PTPRM: variants seen among roughly 807,000 people sequenced by gnomAD.
PTPRM encodes the protein receptor-type tyrosine-protein phosphatase mu.
In PTPRM, 47 loss-of-function variants were observed where a neutral mutation model predicts 186.7. That is an observed-to-expected ratio of 0.25 (90% CI 0.20 to 0.32). The LOEUF (loss-of-function observed/expected upper bound fraction) is 0.32. Among genes scored for constraint, PTPRM ranks in the 10% least tolerant of loss-of-function variants. The pLI is 1.00. For synonymous variants in PTPRM, 668 were observed against 674.9 expected, an observed-to-expected ratio of 0.99 and a Z score of 0.16; for missense variants, 1,494 against 1,865.0, an observed-to-expected ratio of 0.80 and a Z score of 3.66.
chr18:8,029,756 C>A (rs932033326), intron 7 of PTPRM, among the ~76,000 whole-genome samples: 1 of 152,180 alleles, frequency 6.6e-6, no homozygotes, highest in African/African-American at 2.4e-5. Flanking sequence ...TCTCCTGCAT[C>A]AGTATAGTGC....
At chr18:8,080,403 A>C (rs2090063675) in intron 9 of PTPRM, among the ~76,000 whole-genome samples, 1 of 152,248 alleles carries the variant, frequency 6.6e-6, no homozygotes, top group Non-Finnish European at 1.5e-5. Context: ...GGAAAAAGAC[A>C]AAAGTAGAAA....
chr18:8,064,090 A>G (rs920857771), intron 7 of PTPRM, among the ~76,000 whole-genome samples: 1 of 152,218 alleles, frequency 6.6e-6, no homozygotes, highest in Non-Finnish European at 1.5e-5. Flanking sequence ...ACATGTAAAT[A>G]AGAATTCCAG....
chr18:8,132,463 A>G (rs561156603), intron 13 of PTPRM, among the ~76,000 whole-genome samples: 1 of 152,202 alleles, frequency 6.6e-6, no homozygotes, highest in African/African-American at 2.4e-5. Flanking sequence ...CCATGGTAGG[A>G]TCATAGGACT....
At chr18:7,738,961 T>G (rs1344592853) in intron 1 of PTPRM, among the ~76,000 whole-genome samples, 2 of 151,424 alleles carry the variant, frequency 1.3e-5, no homozygotes, top group African/African-American at 4.8e-5. Context: ...GTGACCATGA[T>G]TTTTTTTTGG....
intron 13 of PTPRM, among the ~76,000 whole-genome samples, chr18:8,133,707 G>A (rs954509553): frequency 2.6e-5 from 4 of 152,160 alleles, no homozygotes; most frequent in Admixed American, 1.3e-4. Flanking sequence ...TTTCCGTTTG[G>A]TGTATTTCAG....
intron 7 of PTPRM, among the ~76,000 whole-genome samples, chr18:7,966,712 C>G (rs1319022443): frequency 6.8e-6 from 1 of 146,260 alleles, no homozygotes; most frequent in Non-Finnish European, 1.5e-5. Flanking sequence ...CCTGGAAAAT[C>G]GGGTCACTCC....
intron 1 of PTPRM, among the ~76,000 whole-genome samples, chr18:7,677,859 C>T (rs1324185637): frequency 6.6e-6 from 1 of 152,102 alleles, no homozygotes; most frequent in East Asian, 1.9e-4. Context: ...CCCTACCCTG[C>T]CCTGGTTTGC....
intron 14 of PTPRM, among the ~76,000 whole-genome samples, chr18:8,163,592 C>G (rs1006449977): frequency 1.3e-5 from 2 of 152,156 alleles, no homozygotes; most frequent in African/African-American, 2.4e-5. Flanking sequence ...ACCTTTTTCA[C>G]TTTTATGATC....
In PTPRM at chr18:8,228,339, T is replaced by G. The variant is rs184407855; in HGVS notation, c.2301-15719T>G. 1.7e-3 allele frequency among the ~76,000 whole-genome samples: 256 copies of G among 152,248 alleles called. 1 individual carries two copies. The highest frequency in any genetic ancestry group is 1.5e-3 in the Non-Finnish European group (105 of 68,006). ...AAGTTTTTCCTTGGTGGGAACGATA[T>G]CTAAGGGACTTAGGGAAGGTGCCCC... On this transcript the variant is annotated intron_variant, in intron 14 of 32. Transcript: ENST00000580170.
chr18:8,255,380 A>G (rs1007556747), intron 19 of PTPRM, among the ~76,000 whole-genome samples: 1 of 152,238 alleles, frequency 6.6e-6, no homozygotes. Context: ...GACAATGCAT[A>G]TTTGAAAGAT....
chr18:8,259,294 T>G (rs2094604214), intron 19 of PTPRM, among the ~76,000 whole-genome samples: 1 of 152,152 alleles, frequency 6.6e-6, no homozygotes, highest in African/African-American at 2.4e-5. Context: ...GCACAAACAC[T>G]GTTAATTAAT....
At chr18:8,138,903 C>T (rs2146049083) in intron 13 of PTPRM, among the ~76,000 whole-genome samples, 1 of 152,252 alleles carries the variant, frequency 6.6e-6, no homozygotes, top group East Asian at 1.9e-4. Flanking sequence ...CGTGCGGATG[C>T]TCCCTGTGTC....
intron 1 of PTPRM, among the ~76,000 whole-genome samples, chr18:7,673,883 C>T (rs2039274607): frequency 6.6e-6 from 1 of 152,126 alleles, no homozygotes; most frequent in South Asian, 2.1e-4. Flanking sequence ...CCTTTGGTAG[C>T]CTGGTGAAAG....
intron 1 of PTPRM, among the ~76,000 whole-genome samples, chr18:7,582,857 T>G (rs2036881936): frequency 6.6e-6 from 1 of 152,338 alleles, no homozygotes; most frequent in Non-Finnish European, 1.5e-5. Context: ...TGAATTTTTT[T>G]CAATCCCTGT....
intron 1 of PTPRM, among the ~76,000 whole-genome samples, chr18:7,723,954 G>A (rs2040498197): frequency 6.6e-6 from 1 of 152,244 alleles, no homozygotes; most frequent in East Asian, 1.9e-4. Flanking sequence ...TGAAATTAGT[G>A]TTCTGTGCCT....
intron 14 of PTPRM, among the ~76,000 whole-genome samples, chr18:8,164,057 A>G (rs1000901618): frequency 6.6e-5 from 10 of 152,236 alleles, no homozygotes; most frequent in Admixed American, 6.5e-4. Context: ...AATAGCCATT[A>G]TGAAAGATCC....
chr18:8,244,504 T>C (rs1214922695), intron 15 of PTPRM, among the ~76,000 whole-genome samples: 1 of 152,198 alleles, frequency 6.6e-6, no homozygotes, highest in East Asian at 1.9e-4. Flanking sequence ...CTGCTTCTCA[T>C]CATCCTTCTT....
chr18:8,296,449 A>G lies in PTPRM; in HGVS notation c.2836A>G (p.Ile946Val), dbSNP rs1479843988. Residue 946 changes from isoleucine to valine, a missense_variant, in exon 20 of 33, where the codon ATT (isoleucine) becomes GTT (valine). Physicochemically the swap from Ile to Val is conservative, Grantham distance 29. Coordinates refer to ENST00000580170, the MANE Select transcript of PTPRM (RefSeq NM_001105244.2). ...AATGAAGAACAGATACGGGAATATC[A>G]TTGCATGTAAGTGTCAACAGTGTCA... ...NRMKNRYGNI[I>V]AYDHSRVRLQ... 1 of 1,599,392 alleles carries G rather than the reference A, an allele frequency of 6.3e-7. No homozygotes were observed. Among genetic ancestry groups the G allele is most frequent in the Admixed American group, 1.7e-5 (1 of 59,992 alleles).
chr18:8,229,047 A>T (rs184499297), intron 14 of PTPRM, among the ~76,000 whole-genome samples: 9 of 152,238 alleles, frequency 5.9e-5, no homozygotes, highest in African/African-American at 1.9e-4. Context: ...GACATGCATC[A>T]GTCAGTGTCC....
Sources: gnomAD v4.1 joint callset for allele counts (sites outside exome capture counted in the v4.1 genomes callset) on GRCh38, gnomAD v4.1.1 for gene constraint, MANE v1.5 for transcripts, NCBI Gene and HGNC (gene_info 2026-07-23, HGNC 2026-07-21) for gene names.